The following MTCL1 variants were observed in gnomAD, a reference collection of about 807,000 sequenced individuals.
MTCL1 encodes the protein microtubule cross-linking factor 1.
In MTCL1, 79 loss-of-function variants were observed where a neutral mutation model predicts 141.4. The ratio of observed to expected loss-of-function variants is 0.56; its 90% CI spans 0.47 to 0.67. The LOEUF (loss-of-function observed/expected upper bound fraction) is 0.67. MTCL1 is among the 30% of genes least tolerant of loss of function. The pLI, the probability that MTCL1 is intolerant of heterozygous loss-of-function variation, is 0.00. For synonymous variants in MTCL1, 914 were observed against 875.8 expected, an observed-to-expected ratio of 1.04 and a Z score of -0.77; for missense variants, 2,177 against 2,113.9, an observed-to-expected ratio of 1.03 and a Z score of -0.59.
At chr18:8,791,389 A>G (rs1483365493) in intron 7 of MTCL1, among the ~76,000 whole-genome samples, 1 of 150,690 alleles carries the variant, frequency 6.6e-6, no homozygotes, top group African/African-American at 2.4e-5. Context: ...TGCTAGCTCC[A>G]CCAAACAGGA....
chr18:8,753,777 A>G (rs903050792), intron 4 of MTCL1, among the ~76,000 whole-genome samples: 1 of 152,162 alleles, frequency 6.6e-6, no homozygotes, highest in African/African-American at 2.4e-5. Flanking sequence ...CAGGTAGTGT[A>G]TGGTTCCAGC....
intron 4 of MTCL1, among the ~76,000 whole-genome samples, chr18:8,772,293 C>G (rs1360912412): frequency 6.6e-6 from 1 of 152,230 alleles, no homozygotes; most frequent in Non-Finnish European, 1.5e-5. Context: ...ACAATATCAG[C>G]TTGTGGGAAG....
Position 8,757,450 on chromosome 18 carries a change from G to A in MTCL1, c.358-20383G>A, listed in dbSNP as rs188766248. On this transcript the variant is annotated intron_variant, in intron 4 of 16. Coordinates refer to ENST00000359865, the Ensembl canonical transcript of MTCL1. The stretch of plus-strand genomic sequence containing the variant: ...TAACAGGTGATTCACCTCCAAAAAG[G>A]TTCTTCCTTTAAGAAAGTTTCCATA... Among the ~76,000 whole-genome samples the A allele has an allele frequency of 8.9e-4, 135 of 152,170 alleles. 1 individual carries two copies. The highest frequency in any genetic ancestry group is 1.7e-3 in the Non-Finnish European group (115 of 68,006).
intron 4 of MTCL1, among the ~76,000 whole-genome samples, chr18:8,728,111 A>G (rs943611320): frequency 6.6e-6 from 1 of 152,178 alleles, no homozygotes; most frequent in African/African-American, 2.4e-5. Context: ...CTTGTCTTTC[A>G]TATGTTTTAG....
exon 1 of MTCL1, chr18:8,706,185 C>G: frequency 8.2e-7 from 1 of 1,224,024 alleles, no homozygotes; most frequent in Non-Finnish European, 1.0e-6. Flanking sequence ...GCACCGTCGG[C>G]CCCCCGACCC....
At chr18:8,784,210 C>T (rs144831600) in exon 6 of MTCL1, 26 of 1,612,650 alleles carry the variant, frequency 1.6e-5, no homozygotes, top group Middle Eastern at 3.3e-4. Flanking sequence ...TGTCCAACAT[C>T]CAGCGCTGCG....
At chr18:8,776,757 ATTT>A (rs2096511500) in intron 4 of MTCL1, among the ~76,000 whole-genome samples, 1 of 127,082 alleles carries the variant, frequency 7.9e-6, no homozygotes, top group Admixed American at 7.5e-5. Context: ...TTATTTATTT[ATTT>A]ATTTATTTAT....
At chr18:8,807,843 TG>T (rs2144134689) in intron 11 of MTCL1, among the ~76,000 whole-genome samples, 1 of 152,318 alleles carries the variant, frequency 6.6e-6, no homozygotes, top group East Asian at 1.9e-4. Context: ...AGGGAAGGTC[TG>T]TGTATCCTTG....
At chr18:8,825,821 C>T (rs777850262) in exon 15 of MTCL1, 2 of 1,614,088 alleles carry the variant, frequency 1.2e-6, no homozygotes, top group Admixed American at 1.7e-5. Flanking sequence ...CCGTGCACAC[C>T]ACCATTAATG....
chr18:8,706,554 G>A lies in MTCL1; in HGVS notation c.894G>A (p.Val298=), dbSNP rs748272202. ...CGGGGGGTTTCGCGGGGCCCGGCGT[G>A]GCGGAGGATGTCCGGGGGCGCTCGC... Residue 298 remains valine (V), a synonymous_variant, in exon 1 of 14, where the codon GTG becomes GTA. Transcript: ENST00000306329. 3.7e-5 allele frequency: 52 copies of A among 1,408,500 alleles called. No homozygotes were observed. In the South Asian group the frequency reaches 7.4e-4, roughly 20 times the overall value. The allele number at this position is 1,408,500 out of a possible 1,614,324, so 87.3% of individuals were successfully genotyped here.
rs56116437 is a variant in MTCL1 at position 8,742,039 on chromosome 18, C to CAAA, written c.357+21552_357+21554dup. On this transcript the variant is annotated intron_variant, in intron 4 of 16. Coordinates refer to ENST00000359865, the Ensembl canonical transcript of MTCL1. ...TGTCCTCAGGAGCTCTAATGCAGGGCAAAAAAAAAAAGCACTGTGCTATGG... is the reference window on the plus strand; with the variant it reads ...TGTCCTCAGGAGCTCTAATGCAGGGCAAAAAAAAAAAAAAGCACTGTGCTATGG... Among the ~76,000 whole-genome samples the CAAA allele has an allele frequency of 2.6e-4, 36 of 139,458 alleles. No individual in the cohort carries two copies. In the East Asian group the frequency reaches 3.1e-3, roughly 12 times the overall value. 91.5% of individuals were successfully genotyped at this position (139,458 alleles called of 152,430 possible).
At chr18:8,720,266 A>T (rs920480420) in intron 3 of MTCL1, 72 bp from the exon 3 acceptor site, 4 of 1,474,556 alleles carry the variant, frequency 2.7e-6, no homozygotes, top group Non-Finnish European at 3.7e-6. Flanking sequence ...TTTGCCTCTG[A>T]TGTTGTCTGA....
chr18:8,729,051 T>A (rs1433235493), intron 4 of MTCL1, among the ~76,000 whole-genome samples: 8 of 151,642 alleles, frequency 5.3e-5, no homozygotes, highest in African/African-American at 1.9e-4. Flanking sequence ...GCTTGCTTAT[T>A]GTACTGTTTT....
chr18:8,809,494 G>T (rs1208266286), intron 11 of MTCL1: 4 of 1,536,150 alleles, frequency 2.6e-6, no homozygotes, highest in Non-Finnish European at 3.5e-6. Flanking sequence ...GAGACTTTAG[G>T]CTTCACCAGG....
chr18:8,807,429 T>C (rs2076338736), intron 11 of MTCL1, among the ~76,000 whole-genome samples: 1 of 152,244 alleles, frequency 6.6e-6, no homozygotes, highest in African/African-American at 2.4e-5. Context: ...TTAGTTGTCT[T>C]TGAAAAAGGT....
intron 4 of MTCL1, among the ~76,000 whole-genome samples, chr18:8,728,437 A>G (rs12965009): frequency 0.3 from 46,224 of 152,012 alleles, 8,031 homozygotes; most frequent in East Asian, 0.54. Context: ...GTCTGCTGTC[A>G]GCATAATTTT....
At chr18:8,772,231 T>G (rs1409397534) in intron 4 of MTCL1, among the ~76,000 whole-genome samples, 1 of 152,204 alleles carries the variant, frequency 6.6e-6, no homozygotes, top group Non-Finnish European at 1.5e-5. Flanking sequence ...TCCTGGTCTT[T>G]TTAACCAACC....
At chr18:8,785,025 T>C (rs1248247780) in intron 6 of MTCL1, among the ~76,000 whole-genome samples, 182 bp downstream of exon 5, 2 of 151,894 alleles carry the variant, frequency 1.3e-5, no homozygotes, top group Non-Finnish European at 2.9e-5. Context: ...TTTTTTGTTT[T>C]TTTTTTTTTT....
exon 3 of MTCL1, chr18:8,718,491 A>T (rs565772998): frequency 1.2e-6 from 2 of 1,614,218 alleles, no homozygotes; most frequent in African/African-American, 2.7e-5. Flanking sequence ...GAAGATGTTT[A>T]CCAGCTGCAG....
Sources: allele counts gnomAD v4.1 joint callset (sites outside exome capture counted in the v4.1 genomes callset), GRCh38; gene constraint gnomAD v4.1.1; transcripts MANE v1.5; gene names NCBI Gene and HGNC (gene_info 2026-07-23, HGNC 2026-07-21).